Variants in C21orf58 observed in about 807,000 individuals in gnomAD.
The protein encoded by C21orf58 is uncharacterized protein C21orf58.
A neutral mutation model predicts 35.8 loss-of-function variants in C21orf58; 34 were observed. The observed-to-expected ratio is 0.95, with a 90% CI of 0.72 to 1.26. The LOEUF is 1.26. C21orf58 is among the 50% of genes most tolerant of loss of function. The pLI is 0.00. For synonymous variants in C21orf58, 191 were observed against 175.8 expected (o/e 1.09, Z -0.68); for missense variants, 440 against 414.3 (o/e 1.06, Z -0.54).
At position 46,318,177 on chromosome 21, in the gene C21orf58, AC is replaced by A; in HGVS notation, c.143del (p.Gly48ValfsTer46). On this transcript the variant is annotated frameshift_variant, in exon 2 of 8. Transcript: ENST00000291691. LOFTEE classifies it high-confidence loss of function. ...AGAACTGCTCAGCAGGAGCCCAAGCACCGGTGTTGCCTGCAGGGCGGGCCTT... is the reference window on the plus strand; with the variant it reads ...AGAACTGCTCAGCAGGAGCCCAAGCACGGTGTTGCCTGCAGGGCGGGCCTT... ...GGKARPAGNT[G>X]AWAPAEQFFP... The A allele has an allele frequency of 6.2e-7, 1 of 1,612,916 alleles. No individual in the cohort carries two copies. Among genetic ancestry groups the A allele is most frequent in the Non-Finnish European group, 8.5e-7 (1 of 1,180,006 alleles).
At chr21:46,321,179 T>TA (rs533728277) in intron 1 of C21orf58, among the ~76,000 whole-genome samples, 6,516 of 151,648 alleles carry the variant, frequency 0.043, 205 homozygotes, top group Non-Finnish European at 0.066. Context: ...TATATATATA[T>TA]TTTTTTTGAG....
At chr21:46,315,146 T>G in intron 4 of C21orf58, 1 of 877,266 alleles carries the variant, frequency 1.1e-6, no homozygotes, top group Non-Finnish European at 1.7e-6. Context: ...AGGCCTACTT[T>G]TTTCTAGGTC....
intron 3 of C21orf58, among the ~76,000 whole-genome samples, 173 bp downstream of exon 3, chr21:46,317,035 G>C (rs1227919273): frequency 6.6e-6 from 1 of 152,158 alleles, no homozygotes; most frequent in East Asian, 1.9e-4. Context: ...AAGGAATGGG[G>C]GTGTCTTCAA....
In C21orf58 at chr21:46,322,524, C is replaced by T. The variant is rs1401118316; in HGVS notation, c.100+115G>A. The T allele has an allele frequency of 5.4e-6, 7 of 1,307,574 alleles. No homozygotes were observed. In the East Asian group the frequency reaches 1.5e-4, roughly 28 times the overall value. The allele number at this position is 1,307,574 out of a possible 1,614,324, so 81.0% of individuals were successfully genotyped here. ...TGATCCTGTGGGTGCAGCCCCTGCT[C>T]GCTTGGCTGTGTTGCCTGCCTGGCC... On this transcript the variant is annotated intron_variant, in intron 1 of 7. Transcript: ENST00000291691.
At chr21:46,316,388 G>A (rs758078972) in intron 3 of C21orf58, among the ~76,000 whole-genome samples, 9 of 152,078 alleles carry the variant, frequency 5.9e-5, no homozygotes, top group South Asian at 2.1e-4. Context: ...CCTCAGAGGC[G>A]GAGGTTGCAG....
At chr21:46,317,893 G>T in intron 2 of C21orf58, 119 bp downstream of exon 2, 1 of 1,133,896 alleles carries the variant, frequency 8.8e-7, no homozygotes, top group Non-Finnish European at 1.2e-6. Flanking sequence ...TGGGCTGCCA[G>T]CCCCAGGCCT....
At chr21:46,319,653 C>T (rs993285542) in intron 1 of C21orf58, among the ~76,000 whole-genome samples, 8 of 152,058 alleles carry the variant, frequency 5.3e-5, no homozygotes, top group African/African-American at 1.9e-4. Context: ...AATCCCAGCA[C>T]TTAGGGAGGC....
intron 1 of C21orf58, among the ~76,000 whole-genome samples, chr21:46,320,403 CTGA>C (rs2083115050): frequency 6.6e-6 from 1 of 151,112 alleles, no homozygotes; most frequent in Admixed American, 6.6e-5. Flanking sequence ...CACCTGGCCC[CTGA>C]TGCCTTTTAA....
intron 6 of C21orf58, among the ~76,000 whole-genome samples, chr21:46,305,029 G>A (rs916678619): frequency 6.6e-6 from 1 of 152,192 alleles, no homozygotes; most frequent in Non-Finnish European, 1.5e-5. Flanking sequence ...AACACAGGAC[G>A]GTGGTTGCCA....
In C21orf58 at chr21:46,322,784, A is replaced by G; in HGVS notation, c.-46T>C. 1 of 1,324,604 alleles carries G rather than the reference A, an allele frequency of 7.5e-7. No individual in the cohort carries two copies. The highest frequency in any genetic ancestry group is 1.0e-6 in the Non-Finnish European group (1 of 999,772). The allele number at this position is 1,324,604 out of a possible 1,614,324, so 82.1% of individuals were successfully genotyped here. A position where few individuals can be genotyped will look rare whatever the true frequency, so the allele number is the denominator to read the frequency against. On this transcript the variant is annotated 5_prime_UTR_variant, in exon 1 of 8. Coordinates refer to ENST00000291691, the MANE Select transcript of C21orf58 (RefSeq NM_058180.5). ...GCAGCGAGACTGTCTCAAAAAAAGA[A>G]AAAAAATTCTGAGCGAGATTCCAGG...
chr21:46,300,956 C>G (rs2082086448), downstream of C21orf58, among the ~76,000 whole-genome samples: 1 of 152,098 alleles, frequency 6.6e-6, no homozygotes, highest in South Asian at 2.1e-4. Flanking sequence ...CCCCACAGCA[C>G]AGAAGGAAAC....
intron 6 of C21orf58, among the ~76,000 whole-genome samples, chr21:46,305,939 C>CA (rs56699290): frequency 3.5e-4 from 46 of 130,908 alleles, no homozygotes; most frequent in South Asian, 4.9e-4. Flanking sequence ...GACTCCGTCT[C>CA]AAAAAAAAAA....
At chr21:46,309,888 T>C (rs1462497790) in intron 6 of C21orf58, among the ~76,000 whole-genome samples, 4 of 151,942 alleles carry the variant, frequency 2.6e-5, no homozygotes, top group African/African-American at 9.7e-5. Context: ...CCCCAGCTAC[T>C]CCAGAGGCTG....
At chr21:46,315,579 A>T in intron 3 of C21orf58, 32 bp from the exon 4 acceptor site, 1 of 1,472,410 alleles carries the variant, frequency 6.8e-7, no homozygotes. Context: ...CTTACCAAGG[A>T]ACGCGTAGAG....
Position 46,315,484 on chromosome 21 carries a change from T to C in C21orf58, c.434A>G (p.Gln145Arg). ...TALKRRRDLL[Q>R]RLREQHLLDE... ...GGGTGCAGGGCCTACCCGGAGTCTC[T>C]GCAGAAGGTCCCTCCTTCTCTTCAG... Residue 145 changes from glutamine to arginine, a missense_variant, in exon 4 of 8, where the codon CAG becomes CGG. Coordinates refer to ENST00000291691, the MANE Select transcript of C21orf58 (RefSeq NM_058180.5). 1.2e-6 allele frequency: 2 copies of C among 1,604,376 alleles called. No individual in the cohort carries two copies. The highest frequency in any genetic ancestry group is 1.7e-6 in the Non-Finnish European group (2 of 1,171,564).
intron 5 of C21orf58, chr21:46,312,945 A>C: frequency 1.0e-6 from 1 of 973,742 alleles, no homozygotes; most frequent in Non-Finnish European, 1.2e-6. Flanking sequence ...CCTCTGAGTG[A>C]AAATAAATTA....
chr21:46,317,112 A>T, intron 3 of C21orf58, 96 bp downstream of exon 3: 1 of 1,018,736 alleles, frequency 9.8e-7, no homozygotes. Context: ...TGATTCCCAG[A>T]GTTGCTGTCC....
Position 46,322,746 on chromosome 21 carries a change from T to C in C21orf58, c.-8A>G, listed in dbSNP as rs756777603. ...GAGCCGAGATCGCGCCATTGCGCTA[T>C]AGCCTGGGCGTCGCAGCGAGACTGT... On this transcript the variant is annotated 5_prime_UTR_variant, in exon 1 of 8. Coordinates refer to ENST00000291691, the MANE Select transcript of C21orf58 (RefSeq NM_058180.5). 1.8e-5 allele frequency: 27 copies of C among 1,477,578 alleles called. No individual in the cohort carries two copies. The African/African-American group carries it at 3.4e-4, about 19-fold the overall frequency. The allele number at this position is 1,477,578 out of a possible 1,614,324, so 91.5% of individuals were successfully genotyped here. A position where few individuals can be genotyped will look rare whatever the true frequency, so the allele number is the denominator to read the frequency against.
rs573661596 is a variant in C21orf58 at position 46,302,097 on chromosome 21, C to T, written c.871G>A (p.Val291Met). 26 of 1,493,956 alleles carry T rather than the reference C, an allele frequency of 1.7e-5. No individual in the cohort carries two copies. The highest frequency in any genetic ancestry group is 5.0e-5 in the South Asian group (4 of 79,560). The allele number at this position is 1,493,956 out of a possible 1,614,324, so 92.5% of individuals were successfully genotyped here. ...TGGTGGTGGTGGTGGTGGTGGTGCA[C>T]GGCAGGCAGCCTTGGCCTGGCAGCT... ...PRAARPRLPA[V>M]HHHHHHHHAV... The change falls in exon 8 of 8, where the codon GTG becomes ATG. Residue 291 changes from valine (V) to methionine (M), a missense_variant. Val to Met is a conservative substitution (Grantham distance 21). Transcript: ENST00000291691.
Sources: gnomAD v4.1 joint callset for allele counts (sites outside exome capture counted in the v4.1 genomes callset) on GRCh38, gnomAD v4.1.1 for gene constraint, MANE v1.5 for transcripts, NCBI Gene and HGNC (gene_info 2026-07-23, HGNC 2026-07-21) for gene names.